RASEF: variants seen among roughly 807,000 people sequenced by gnomAD.
RASEF encodes the protein ras and EF-hand domain-containing protein.
Under a neutral mutation model 90.1 loss-of-function variants are expected in RASEF, and 68 were observed. The observed-to-expected ratio is 0.75, with a 90% CI of 0.62 to 0.92. The LOEUF is 0.92. Ranked by LOEUF, RASEF falls within the 40% of genes least tolerant of loss-of-function variation. RASEF has a pLI of 0.00. For synonymous variants in RASEF, 331 were observed against 345.2 expected, an observed-to-expected ratio of 0.96 and a Z score of 0.46; for missense variants, 949 against 937.2, an observed-to-expected ratio of 1.01 and a Z score of -0.16.
chr9:83,154,733 G>C, the RASEF span, among the ~76,000 whole-genome samples: 2 of 152,150 alleles, frequency 1.3e-5, no homozygotes, highest in South Asian at 4.1e-4. Flanking sequence ...GCCTTTTTCT[G>C]TCTTTGCATT....
chr9:83,007,349 G>A, intron 7 of RASEF, 88 bp downstream of exon 7: 1 of 1,044,880 alleles, frequency 9.6e-7, no homozygotes, highest in Non-Finnish European at 1.5e-6. Context: ...TTCAGAACAT[G>A]GCAACTCACG....
chr9:83,000,342 A>G, intron 11 of RASEF, 26 bp from the exon 12 acceptor site: 1 of 1,612,218 alleles, frequency 6.2e-7, no homozygotes, highest in Non-Finnish European at 8.5e-7. Flanking sequence ...ACAGTGAATG[A>G]TAACGGTATT....
At chr9:83,141,888 C>A in the RASEF span, among the ~76,000 whole-genome samples, 1 of 152,086 alleles carries the variant, frequency 6.6e-6, no homozygotes, top group Non-Finnish European at 1.5e-5. Flanking sequence ...CACAAAGGAA[C>A]TTTTTGGGAT....
chr9:83,028,282 C>T (rs1829582725), intron 1 of RASEF, among the ~76,000 whole-genome samples: 1 of 152,180 alleles, frequency 6.6e-6, no homozygotes, highest in Non-Finnish European at 1.5e-5. Flanking sequence ...TTTACAGTTT[C>T]TCCCCTGACA....
At chr9:83,171,980 A>G in the RASEF span, among the ~76,000 whole-genome samples, 1 of 151,324 alleles carries the variant, frequency 6.6e-6, no homozygotes, top group African/African-American at 2.4e-5. Context: ...CTGATTTTCT[A>G]GTTTCTTGAG....
chr9:83,161,108 A>C, the RASEF span, among the ~76,000 whole-genome samples: 2 of 152,134 alleles, frequency 1.3e-5, no homozygotes, highest in Non-Finnish European at 2.9e-5. Flanking sequence ...AGCCCCCCCC[A>C]CAGAGTCCCT....
the RASEF span, among the ~76,000 whole-genome samples, chr9:83,128,718 C>G: frequency 6.6e-6 from 1 of 152,136 alleles, no homozygotes; most frequent in Non-Finnish European, 1.5e-5. Context: ...AACCACCAAA[C>G]GTGGGTATGA....
chr9:83,000,323 G>T lies in RASEF; in HGVS notation c.1576-7C>A, dbSNP rs772033799. On this transcript the variant is annotated splice_polypyrimidine_tract_variant and splice_region_variant and intron_variant, in intron 11 of 16. Transcript: ENST00000376447. ...TGTCATCTACCAGGTCTGTCTGGGG[G>T]GAAAAGCCACAGTGAATGATAACGG... The T allele has an allele frequency of 6.2e-7, 1 of 1,612,662 alleles. No homozygotes were observed. The highest frequency in any genetic ancestry group is 1.3e-5 in the African/African-American group (1 of 74,910).
the RASEF span, among the ~76,000 whole-genome samples, chr9:83,180,117 G>A: frequency 1.3e-5 from 2 of 152,114 alleles, no homozygotes; most frequent in South Asian, 2.1e-4. Context: ...TAATGCATAT[G>A]TTAATATACC....
At chr9:83,075,242 TA>T in the RASEF span, among the ~76,000 whole-genome samples, 5 of 152,196 alleles carry the variant, frequency 3.3e-5, no homozygotes, top group Non-Finnish European at 7.3e-5. Flanking sequence ...CTTCCATTGT[TA>T]AACTGCAGTT....
rs763532320 is a variant in RASEF, at chr9:82,982,720, T to C, written c.2180A>G (p.Asn727Ser). 2.0e-5 allele frequency: 33 copies of C among 1,611,276 alleles called. No individual in the cohort carries two copies. The highest frequency in any genetic ancestry group is 2.3e-5 in the Non-Finnish European group (27 of 1,177,548). The change falls in exon 17 of 17, where the codon AAT (asparagine) becomes AGT (serine). Residue 727 changes from asparagine to serine, a missense_variant. Asn to Ser is a conservative substitution (Grantham distance 46). Coordinates refer to ENST00000376447, the MANE Select transcript of RASEF (RefSeq NM_152573.4). ...SRSITNLTGT[N>S]SKKSPQMKNC... ...CTTCATCTGTGGTGACTTTTTGGAA[T>C]TGGTCCCGGTTAGATTGGTAATGGA...
At chr9:83,071,949 A>G in the RASEF span, among the ~76,000 whole-genome samples, 2 of 152,178 alleles carry the variant, frequency 1.3e-5, no homozygotes, top group Admixed American at 6.5e-5. Flanking sequence ...TTGGTGTGGC[A>G]CCTTCTATTC....
At chr9:83,195,969 G>A in the RASEF span, among the ~76,000 whole-genome samples, 1 of 152,108 alleles carries the variant, frequency 6.6e-6, no homozygotes, top group African/African-American at 2.4e-5. Flanking sequence ...CGGCTCCTGG[G>A]ATAATCTAGG....
chr9:83,005,424 T>A lies in RASEF; in HGVS notation c.1105A>T (p.Arg369Ter), dbSNP rs1429312650. 6.2e-7 allele frequency: 1 copy of A among 1,609,260 alleles called. No homozygotes were observed. The highest frequency in any genetic ancestry group is 8.5e-7 in the Non-Finnish European group (1 of 1,175,762). ...AAAACTATGTGGCATACCAAAGATC[T>A]GTTGAACTTGCTATAACTGTTTTCA... The part of the protein sequence containing the change: ...ALENSYSKFN[R>*]SLHINNISPG... Residue 369 changes from arginine (R) to a stop codon, truncating the protein, a stop_gained, in exon 8 of 17, where the codon AGA (arginine) becomes TGA (stop). Coordinates refer to ENST00000376447, the MANE Select transcript of RASEF (RefSeq NM_152573.4). LOFTEE classifies it high-confidence loss of function.
chr9:83,126,227 G>T, the RASEF span, among the ~76,000 whole-genome samples: 6 of 152,082 alleles, frequency 3.9e-5, no homozygotes, highest in African/African-American at 1.4e-4. Context: ...AGGTAATTAG[G>T]TCATGAAGAG....
the RASEF span, among the ~76,000 whole-genome samples, chr9:83,169,437 G>T: frequency 6.7e-6 from 1 of 150,070 alleles, no homozygotes; most frequent in Non-Finnish European, 1.5e-5. Context: ...TCTATTTTTA[G>T]CTTTTTTAGG....
At chr9:83,114,765 G>A in the RASEF span, among the ~76,000 whole-genome samples, 4 of 152,132 alleles carry the variant, frequency 2.6e-5, no homozygotes, top group African/African-American at 7.2e-5. Flanking sequence ...GGTCAGACCG[G>A]TTGTCTGTTC....
chr9:83,121,189 GA>G, the RASEF span, among the ~76,000 whole-genome samples: 28 of 151,932 alleles, frequency 1.8e-4, no homozygotes, highest in African/African-American at 5.8e-4. Flanking sequence ...TGTTTTTTCT[GA>G]AGAAAAAAAT....
intron 1 of RASEF, chr9:83,049,437 A>G (rs1829999486): frequency 4.7e-6 from 3 of 640,924 alleles, no homozygotes; most frequent in African/African-American, 2.0e-5. Context: ...TCACTTTTCT[A>G]TTTAGACCAC....
Sources: allele counts gnomAD v4.1 joint callset (sites outside exome capture counted in the v4.1 genomes callset), GRCh38; gene constraint gnomAD v4.1.1; transcripts MANE v1.5; gene names NCBI Gene and HGNC (gene_info 2026-07-23, HGNC 2026-07-21).